Variants in ZBTB7C observed in about 807,000 individuals in gnomAD.
ZBTB7C encodes the protein zinc finger and BTB domain-containing protein 7C.
Under a neutral mutation model 25.7 loss-of-function variants are expected in ZBTB7C, and 8 were observed. That is an observed-to-expected ratio of 0.31 (90% confidence interval 0.18 to 0.56). The LOEUF is 0.56. ZBTB7C is among the 20% of genes least tolerant of loss of function. ZBTB7C has a pLI of 0.91. For missense variants in ZBTB7C, 824 were observed against 855.2 expected, an observed-to-expected ratio of 0.96 and a Z score of 0.46; for synonymous variants, 394 against 369.0, an observed-to-expected ratio of 1.07 and a Z score of -0.78.
At chr18:48,196,638 C>A (rs1475849196) in intron 2 of ZBTB7C, among the ~76,000 whole-genome samples, 1 of 152,110 alleles carries the variant, frequency 6.6e-6, no homozygotes, top group Non-Finnish European at 1.5e-5. Flanking sequence ...GTTCTGAAAT[C>A]CTTTATGTTG....
chr18:48,240,844 C>T (rs1337669028), intron 2 of ZBTB7C, among the ~76,000 whole-genome samples: 1 of 152,172 alleles, frequency 6.6e-6, no homozygotes, highest in Non-Finnish European at 1.5e-5. Context: ...TAGCACCTCA[C>T]ATCTTAACAT....
chr18:48,064,896 A>G lies in ZBTB7C; in HGVS notation c.-16-23773T>C, dbSNP rs555434206. ...GAGAAGACCTGGAACAAAGCAACAA[A>G]GCCCACAGAGGGCTTCTCGAAACAC... On this transcript the variant is annotated intron_variant, in intron 3 of 4. Coordinates refer to ENST00000590800, the MANE Select transcript of ZBTB7C (RefSeq NM_001318841.2). Among the ~76,000 whole-genome samples, 6 of 152,290 alleles carry G rather than the reference A, an allele frequency of 3.9e-5. No individual in the cohort carries two copies. The East Asian group carries it at 1.2e-3, about 29-fold the overall frequency.
At chr18:48,228,189 G>T (rs920375846) in intron 2 of ZBTB7C, among the ~76,000 whole-genome samples, 2 of 152,132 alleles carry the variant, frequency 1.3e-5, no homozygotes, top group Non-Finnish European at 2.9e-5. Flanking sequence ...ATGACTGCAG[G>T]CAATAAATAG....
intron 4 of ZBTB7C, among the ~76,000 whole-genome samples, chr18:48,036,383 C>T (rs969860088): frequency 1.3e-5 from 2 of 152,044 alleles, no homozygotes; most frequent in African/African-American, 4.8e-5. Flanking sequence ...TGTGGACATT[C>T]TGGGAGCTGG....
rs1177905382 is a variant in ZBTB7C, at chr18:48,409,382, A to G, written c.-460T>C. The G allele has an allele frequency of 6.9e-6, 1 of 145,754 alleles. No individual in the cohort carries two copies. The highest frequency in any genetic ancestry group is 1.5e-5 in the Non-Finnish European group (1 of 65,852). 9.0% of individuals were successfully genotyped at this position (145,754 alleles called of 1,614,324 possible). A position where few individuals can be genotyped will look rare whatever the true frequency, so the allele number is the denominator to read the frequency against. Reference sequence around the variant, plus strand: ...TCGTGGCGGGGCTGCGCCGGCGGGTATGGAGCTGAGCGGCGGCAGCGGGCG... The same window carrying G: ...TCGTGGCGGGGCTGCGCCGGCGGGTGTGGAGCTGAGCGGCGGCAGCGGGCG... On this transcript the variant is annotated 5_prime_UTR_variant, in exon 1 of 5. Coordinates refer to ENST00000590800, the MANE Select transcript of ZBTB7C (RefSeq NM_001318841.2).
intron 3 of ZBTB7C, chr18:48,150,712 A>G (rs1312675912): frequency 4.6e-5 from 7 of 152,178 alleles, no homozygotes; most frequent in Admixed American, 3.9e-4. Flanking sequence ...GGGAATCTCA[A>G]AGCAGAGAAT....
At chr18:48,372,444 C>T (rs1033738672) in intron 1 of ZBTB7C, among the ~76,000 whole-genome samples, 12 of 152,192 alleles carry the variant, frequency 7.9e-5, no homozygotes, top group African/African-American at 2.7e-4. Context: ...GTCACTTCCG[C>T]GCTGAGGGAG....
rs1289565772 is a variant in ZBTB7C, at chr18:48,065,794, T to C, written c.-16-24671A>G. Reference sequence around the variant, plus strand: ...TCCCAGGGCCTCCTCTACTGTACCATACAGTTTCCCTCTAGGGCCGTTGGA... The same window carrying C: ...TCCCAGGGCCTCCTCTACTGTACCACACAGTTTCCCTCTAGGGCCGTTGGA... On this transcript the variant is annotated intron_variant, in intron 3 of 4. Coordinates refer to ENST00000590800, the MANE Select transcript of ZBTB7C (RefSeq NM_001318841.2). Among the ~76,000 whole-genome samples the C allele has an allele frequency of 3.3e-5, 5 of 152,158 alleles. No individual in the cohort carries two copies. The East Asian group carries it at 5.8e-4, about 18-fold the overall frequency.
At position 48,191,613 on chromosome 18, in the gene ZBTB7C, A is replaced by G. The variant is rs951067348; in HGVS notation, c.-78-5618T>C. ...CACATGGGGCAGGCACATAAATGAT[A>G]GCTGACCACATTCCTGGAGAAAGTA... On this transcript the variant is annotated intron_variant, in intron 2 of 4. Transcript: ENST00000590800. Among the ~76,000 whole-genome samples, 10 of 152,274 alleles carry G rather than the reference A, an allele frequency of 6.6e-5. No individual in the cohort carries two copies. The South Asian group carries it at 1.5e-3, about 22-fold the overall frequency.
At chr18:48,158,082 T>C (rs1035934764) in intron 3 of ZBTB7C, among the ~76,000 whole-genome samples, 6 of 151,950 alleles carry the variant, frequency 3.9e-5, no homozygotes, top group Non-Finnish European at 5.9e-5. Flanking sequence ...GCTGGATAAA[T>C]CTGTGCCAAG....
chr18:48,383,454 C>G (rs1039077543), intron 1 of ZBTB7C, among the ~76,000 whole-genome samples: 23 of 151,950 alleles, frequency 1.5e-4, no homozygotes, highest in African/African-American at 5.6e-4. Context: ...TTAGTAGCGA[C>G]AGGTTTTCAC....
rs548932647 is a variant in ZBTB7C, at chr18:48,266,648, G to A, written c.-79+71526C>T. 2.6e-5 allele frequency among the ~76,000 whole-genome samples: 4 copies of A among 152,280 alleles called. No individual in the cohort carries two copies. In the South Asian group the frequency reaches 6.2e-4, roughly 24 times the overall value. On this transcript the variant is annotated intron_variant, in intron 2 of 4. Coordinates refer to ENST00000590800, the MANE Select transcript of ZBTB7C (RefSeq NM_001318841.2). Reference sequence around the variant, plus strand: ...TGTCCACACAACCCCCCTAGCATCCGTACCAAATCAGTGGCTCCAGGCACA... The same window carrying A: ...TGTCCACACAACCCCCCTAGCATCCATACCAAATCAGTGGCTCCAGGCACA...
At chr18:48,111,374 C>T (rs565826681) in intron 3 of ZBTB7C, among the ~76,000 whole-genome samples, 6 of 152,282 alleles carry the variant, frequency 3.9e-5, no homozygotes, top group Middle Eastern at 3.4e-3. Context: ...AGGAGTGCAA[C>T]GAATTCATGT....
Position 48,313,086 on chromosome 18 carries a change from A to G in ZBTB7C, c.-79+25088T>C, listed in dbSNP as rs143452442. Reference sequence around the variant, plus strand: ...ATCTGATCCTCCTTTTGTTATAACTATCACTCCTCTCGTCTCTTTATAAGT... The same window carrying G: ...ATCTGATCCTCCTTTTGTTATAACTGTCACTCCTCTCGTCTCTTTATAAGT... On this transcript the variant is annotated intron_variant, in intron 2 of 4. Transcript: ENST00000590800. Among the ~76,000 whole-genome samples the G allele has an allele frequency of 6.6e-5, 10 of 152,298 alleles. No individual in the cohort carries two copies. The East Asian group carries it at 1.9e-3, about 29-fold the overall frequency.
At chr18:48,391,234 C>A (rs1156674657) in intron 1 of ZBTB7C, among the ~76,000 whole-genome samples, 1 of 152,216 alleles carries the variant, frequency 6.6e-6, no homozygotes, top group Admixed American at 6.5e-5. Context: ...TCTCCACGGG[C>A]CCCGGCAGGC....
chr18:48,246,826 A>G (rs1250443073), intron 2 of ZBTB7C, among the ~76,000 whole-genome samples: 2 of 152,134 alleles, frequency 1.3e-5, no homozygotes, highest in African/African-American at 2.4e-5. Flanking sequence ...CCACATGCAC[A>G]CACACCCTGG....
chr18:48,343,277 C>T (rs1251034083), intron 1 of ZBTB7C, among the ~76,000 whole-genome samples: 1 of 152,074 alleles, frequency 6.6e-6, no homozygotes, highest in Non-Finnish European at 1.5e-5. Flanking sequence ...TATTCTAGTC[C>T]TAGCATTTCC....
intron 2 of ZBTB7C, among the ~76,000 whole-genome samples, chr18:48,329,982 C>A (rs115550634): frequency 6.6e-6 from 1 of 152,268 alleles, no homozygotes; most frequent in Admixed American, 6.5e-5. Context: ...TCACCTTCCC[C>A]GAGTGGCAGA....
intron 2 of ZBTB7C, among the ~76,000 whole-genome samples, chr18:48,328,150 C>T (rs888818753): frequency 6.8e-6 from 1 of 147,878 alleles, no homozygotes; most frequent in Admixed American, 6.7e-5. Context: ...CCACTGCACT[C>T]CAGCCTGGGG....
Sources: gnomAD v4.1 joint callset for allele counts (sites outside exome capture counted in the v4.1 genomes callset) on GRCh38, gnomAD v4.1.1 for gene constraint, MANE v1.5 for transcripts, NCBI Gene and HGNC (gene_info 2026-07-23, HGNC 2026-07-21) for gene names.